Variants in ASIC4 observed in about 807,000 individuals in gnomAD.
The protein encoded by ASIC4 is acid sensing ion channel subunit family member 4.
ASIC4 carries 28 observed loss-of-function variants against 53.4 expected under a neutral mutation model. The ratio of observed to expected loss-of-function variants is 0.52; its 90% confidence interval spans 0.39 to 0.72. ASIC4 has a LOEUF of 0.72. ASIC4 is among the 30% of genes least tolerant of loss of function. The pLI is 0.00. For missense variants in ASIC4, 649 were observed against 729.7 expected (o/e 0.89, Z 1.27); for synonymous variants, 289 against 301.4 (o/e 0.96, Z 0.43).
chr2:219,523,683 C>A (rs989494958), intron 1 of ASIC4, among the ~76,000 whole-genome samples: 1 of 152,184 alleles, frequency 6.6e-6, no homozygotes, highest in Non-Finnish European at 1.5e-5. Context: ...AGCTCCTGTT[C>A]CACCGTGGTG....
At chr2:219,509,212 A>G (rs974664315), upstream of ASIC4, among the ~76,000 whole-genome samples, 17 of 152,004 alleles carry the variant, frequency 1.1e-4, no homozygotes, top group Non-Finnish European at 2.2e-4. The surrounding 1 kb of genome is among the most constrained non-coding windows in gnomAD (Gnocchi z 5.2). Flanking sequence ...GGGGGAGCAG[A>G]TTGCAGCCCC....
chr2:219,513,469 G>A (rs1694727922), upstream of ASIC4, among the ~76,000 whole-genome samples: 1 of 151,542 alleles, frequency 6.6e-6, no homozygotes, highest in African/African-American at 2.4e-5. Context: ...CACTCTGCCA[G>A]GCACCCCTCA....
rs1209956095 is a variant in ASIC4 at position 219,532,875 on chromosome 2, C to T, written c.1019-8C>T. 6.2e-7 allele frequency: 1 copy of T among 1,611,738 alleles called. No individual in the cohort carries two copies. ...GTAGATTCCAGGAATAATCTTCTCT[C>T]CTTTCAGGCAATGAGACCATCTGCC... is the stretch of plus-strand genomic sequence containing the variant. On this transcript the variant is annotated splice_polypyrimidine_tract_variant and splice_region_variant and intron_variant, in intron 4 of 9. Transcript: ENST00000358078.
chr2:219,523,560 G>T (rs1694921736), intron 1 of ASIC4, among the ~76,000 whole-genome samples: 1 of 152,216 alleles, frequency 6.6e-6, no homozygotes, highest in East Asian at 1.9e-4. Context: ...AACTAAGCCT[G>T]CTGAGGGCGC....
rs1309085379 is a variant in ASIC4, at chr2:219,516,940, G to A, written c.582+1634G>A. 6.6e-6 allele frequency: 1 copy of A among 152,476 alleles called. No individual in the cohort carries two copies. Among genetic ancestry groups the A allele is most frequent in the African/African-American group, 2.4e-5 (1 of 41,464 alleles). 9.4% of individuals were successfully genotyped at this position (152,476 alleles called of 1,614,324 possible). A position where few individuals can be genotyped will look rare whatever the true frequency, so the allele number is the denominator to read the frequency against. On this transcript the variant is annotated intron_variant, in intron 1 of 9. Transcript: ENST00000358078. The surrounding 1 kb of genome is among the most constrained non-coding windows in gnomAD (Gnocchi z 4.9). Reference sequence around the variant, plus strand: ...AAGGGTTGGTAGAGTCCCCGAGGAGGAGGTGGGATATGGAGGGTGAGTGTG... The same window carrying A: ...AAGGGTTGGTAGAGTCCCCGAGGAGAAGGTGGGATATGGAGGGTGAGTGTG...
At position 219,536,559 on chromosome 2, in the gene ASIC4, A is replaced by G. The variant is rs548027313; in HGVS notation, c.1230-507A>G. 1.3e-5 allele frequency among the ~76,000 whole-genome samples: 2 copies of G among 149,886 alleles called. No homozygotes were observed. The highest frequency in any genetic ancestry group is 2.1e-4 in the South Asian group (1 of 4,660). The stretch of plus-strand genomic sequence containing the variant: ...GAGGGCCCTGGGTTTGGGGTCTGAG[A>G]GAGGAGGCAATGGGGAGGCGTCCAG... On this transcript the variant is annotated intron_variant, in intron 6 of 9. Transcript: ENST00000358078. The surrounding 1 kb of genome is among the most constrained non-coding windows in gnomAD (Gnocchi z 4.6).
chr2:219,534,088 G>GGC (rs1359911848), intron 5 of ASIC4: 1 of 144,598 alleles, frequency 6.9e-6, no homozygotes, highest in Non-Finnish European at 1.5e-5. Flanking sequence ...AGCCAACAAA[G>GGC]GCCTGTGGCA....
chr2:219,531,533 G>A (rs1695041268), intron 1 of ASIC4, among the ~76,000 whole-genome samples: 1 of 152,192 alleles, frequency 6.6e-6, no homozygotes, highest in Non-Finnish European at 1.5e-5. Flanking sequence ...GTTTGGGAAG[G>A]TGTTGATGTG....
chr2:219,514,376 T>A (rs1694742066), upstream of ASIC4: 23 of 1,546,324 alleles, frequency 1.5e-5, no homozygotes, highest in Non-Finnish European at 2.0e-5. Flanking sequence ...CTGCGCGGCG[T>A]GGCGGAGCAG....
intron 1 of ASIC4, among the ~76,000 whole-genome samples, chr2:219,527,261 G>C (rs993165941): frequency 4.6e-5 from 7 of 152,216 alleles, no homozygotes; most frequent in Admixed American, 3.3e-4. Flanking sequence ...CAGCAGTCAG[G>C]ACTGACCCGG....
rs1169436741 is a variant in ASIC4, at chr2:219,517,444, C to G, written c.582+2138C>G. Among the ~76,000 whole-genome samples, 2 of 152,090 alleles carry G rather than the reference C, an allele frequency of 1.3e-5. No homozygotes were observed. ...TAGCTAGCATTGGGGGACAGGAATT[C>G]CCCTTTGGGATTTCCATTTCCCCTG... On this transcript the variant is annotated intron_variant, in intron 1 of 9. Coordinates refer to ENST00000358078, the MANE Select transcript of ASIC4 (RefSeq NM_018674.6). The surrounding 1 kb of genome is among the most constrained non-coding windows in gnomAD (Gnocchi z 4.2).
upstream of ASIC4, among the ~76,000 whole-genome samples, chr2:219,512,610 G>C (rs977681487): frequency 2.6e-5 from 4 of 152,156 alleles, no homozygotes; most frequent in Non-Finnish European, 5.9e-5. Context: ...GCCTGGGCAT[G>C]GGACAGAGAG....
rs1224357597 is a variant in ASIC4 at position 219,538,286 on chromosome 2, A to C, written c.*240A>C. The C allele has an allele frequency of 4.4e-6, 2 of 458,992 alleles. No homozygotes were observed. Among genetic ancestry groups the C allele is most frequent in the Non-Finnish European group, 7.9e-6 (2 of 252,162 alleles). The allele number at this position is 458,992 out of a possible 1,614,324, so 28.4% of individuals were successfully genotyped here. A position where few individuals can be genotyped will look rare whatever the true frequency, so the allele number is the denominator to read the frequency against. ...GCTGGAGACCAGGCCATGGGCCCTC[A>C]CGGAGAGGAAGGGAAGGAAGGAGAG... On this transcript the variant is annotated 3_prime_UTR_variant, in exon 10 of 10. Coordinates refer to ENST00000358078, the MANE Select transcript of ASIC4 (RefSeq NM_018674.6).
Position 219,518,924 on chromosome 2 carries a change from G to C in ASIC4, c.582+3618G>C, listed in dbSNP as rs1243318805. Among the ~76,000 whole-genome samples the C allele has an allele frequency of 6.6e-6, 1 of 151,968 alleles. No individual in the cohort carries two copies. Among genetic ancestry groups the C allele is most frequent in the African/African-American group, 2.4e-5 (1 of 41,372 alleles). On this transcript the variant is annotated intron_variant, in intron 1 of 9. Coordinates refer to ENST00000358078, the MANE Select transcript of ASIC4 (RefSeq NM_018674.6). This position sits in a 1 kb window ranked among gnomAD's most constrained non-coding sequence, Gnocchi z 4.8. The stretch of plus-strand genomic sequence containing the variant: ...TATTCTTTTTTTTGTTTGTTTTTTT[G>C]AGACAGAGTCTCGTTGTTGCCCAGG...
chr2:219,534,257 A>G (rs1695091733), intron 5 of ASIC4, among the ~76,000 whole-genome samples: 1 of 152,218 alleles, frequency 6.6e-6, no homozygotes. Flanking sequence ...TGTCCCCCAC[A>G]CCACCTGCAT....
In ASIC4 at chr2:219,537,767, G is replaced by C; in HGVS notation, c.1506+31G>C. The C allele has an allele frequency of 3.8e-6, 6 of 1,592,842 alleles. No individual in the cohort carries two copies. Among genetic ancestry groups the C allele is most frequent in the Non-Finnish European group, 5.1e-6 (6 of 1,166,452 alleles). On this transcript the variant is annotated intron_variant, in intron 9 of 9. Coordinates refer to ENST00000358078, the MANE Select transcript of ASIC4 (RefSeq NM_018674.6). The surrounding 1 kb of genome is among the most constrained non-coding windows in gnomAD (Gnocchi z 4.9). ...GACAAGCTCTAAATGCCTGCAGCAT[G>C]CAGCCACACCTCCCCAGGACTGAAT...
intron 1 of ASIC4, among the ~76,000 whole-genome samples, chr2:219,527,332 A>G (rs1694976102): frequency 1.3e-5 from 2 of 152,234 alleles, no homozygotes; most frequent in South Asian, 4.1e-4. Flanking sequence ...AGTATCCCTG[A>G]GACCCAGACA....
chr2:219,535,795 CAG>C (rs1695128442), intron 6 of ASIC4, among the ~76,000 whole-genome samples: 2 of 134,590 alleles, frequency 1.5e-5, no homozygotes, highest in African/African-American at 5.6e-5. Flanking sequence ...TTTTTTGAGA[CAG>C]AGTCTTGCTC....
At chr2:219,534,510 A>G (rs1264502171) in intron 5 of ASIC4, among the ~76,000 whole-genome samples, 2 of 152,168 alleles carry the variant, frequency 1.3e-5, no homozygotes, top group Non-Finnish European at 2.9e-5. Flanking sequence ...GGCGGGAGAA[A>G]TACCCTGGCA....
Sources: gnomAD v4.1 joint callset for allele counts (sites outside exome capture counted in the v4.1 genomes callset) on GRCh38, gnomAD v4.1.1 for gene constraint, Gnocchi (gnomAD v3.1) non-coding constraint, MANE v1.5 for transcripts, NCBI Gene and HGNC (gene_info 2026-07-23, HGNC 2026-07-21) for gene names.